Variants in RFTN1 observed in about 807,000 individuals in gnomAD.
The protein encoded by RFTN1 is raftlin, lipid raft linker 1, also known as raftlin.
RFTN1 carries 26 observed loss-of-function variants against 46.5 expected under a neutral mutation model. That is an observed-to-expected ratio of 0.56 (90% CI 0.41 to 0.78). The LOEUF is 0.78. Among genes scored for constraint, RFTN1 ranks in the 30% least tolerant of loss-of-function variants. The pLI is 0.00. For synonymous variants in RFTN1, 261 were observed against 284.2 expected, an observed-to-expected ratio of 0.92 and a Z score of 0.82; for missense variants, 693 against 718.7, an observed-to-expected ratio of 0.96 and a Z score of 0.41.
At chr3:16,411,045 C>A (rs966844415) in intron 3 of RFTN1, among the ~76,000 whole-genome samples, 19 of 152,120 alleles carry the variant, frequency 1.2e-4, no homozygotes, top group Non-Finnish European at 1.0e-4. Flanking sequence ...GACCAAGGCT[C>A]CCAGCTCCTT....
chr3:16,379,087 G>A (rs2073891468), intron 4 of RFTN1, among the ~76,000 whole-genome samples: 1 of 152,230 alleles, frequency 6.6e-6, no homozygotes, highest in Non-Finnish European at 1.5e-5. Flanking sequence ...AGACCTCAGA[G>A]CTGTCTAAGT....
At chr3:16,505,996 A>G (rs578160233) in intron 1 of RFTN1, among the ~76,000 whole-genome samples, 2 of 152,340 alleles carry the variant, frequency 1.3e-5, no homozygotes, top group Admixed American at 6.5e-5. Context: ...GCCCTCATGG[A>G]CCTTACCTTC....
At chr3:16,390,698 T>G (rs921168846) in intron 4 of RFTN1, among the ~76,000 whole-genome samples, 32 of 152,190 alleles carry the variant, frequency 2.1e-4, no homozygotes, top group African/African-American at 7.5e-4. Flanking sequence ...TGCTTGAAAC[T>G]TAAAAAATAT....
chr3:16,393,358 A>G (rs968897155), intron 4 of RFTN1, among the ~76,000 whole-genome samples: 8 of 152,192 alleles, frequency 5.3e-5, no homozygotes, highest in African/African-American at 1.9e-4. Flanking sequence ...AGTGGGACCA[A>G]TATTCACTAA....
rs141596313 is a variant in RFTN1, at chr3:16,488,374, C to T, written c.145+5351G>A. On this transcript the variant is annotated intron_variant, in intron 2 of 9. Coordinates refer to ENST00000334133, the MANE Select transcript of RFTN1 (RefSeq NM_015150.2). ...TCGGCCTTCCAAAGTGTTGGGATTACAGGCGTGAGCCACTGCACCCAGCTT... is the reference window on the plus strand; with the variant it reads ...TCGGCCTTCCAAAGTGTTGGGATTATAGGCGTGAGCCACTGCACCCAGCTT... 4.9e-3 allele frequency among the ~76,000 whole-genome samples: 749 copies of T among 152,322 alleles called. 5 individuals are homozygous for T. Among genetic ancestry groups the T allele is most frequent in the African/African-American group, 0.016 (650 of 41,576 alleles).
Position 16,459,827 on chromosome 3 carries a change from A to G in RFTN1, c.146-25790T>C, listed in dbSNP as rs1559357940. Among the ~76,000 whole-genome samples the G allele has an allele frequency of 6.6e-6, 1 of 152,148 alleles. No individual in the cohort carries two copies. Among genetic ancestry groups the G allele is most frequent in the Non-Finnish European group, 1.5e-5 (1 of 68,020 alleles). On this transcript the variant is annotated intron_variant, in intron 2 of 9. Transcript: ENST00000334133. This position sits in a 1 kb window ranked among gnomAD's most constrained non-coding sequence, Gnocchi z 4.2. ...TTGTTTATTTAAATGCTAGAAAAAA[A>G]ATAAGATTTATATACAATAAGTTTT... is the stretch of plus-strand genomic sequence containing the variant.
In RFTN1 at chr3:16,370,341, C is replaced by A; in HGVS notation, c.827-62G>T. ...GTCAACTGATGATAAAAATCTGTTT[C>A]ATCGGCTTAAGTGGAATCTCTCAGG... On this transcript the variant is annotated intron_variant, in intron 5 of 9. Transcript: ENST00000334133. This position sits in a 1 kb window ranked among gnomAD's most constrained non-coding sequence, Gnocchi z 5.5. The A allele has an allele frequency of 6.6e-7, 1 of 1,510,700 alleles. No individual in the cohort carries two copies. Among genetic ancestry groups the A allele is most frequent in the South Asian group, 1.1e-5 (1 of 88,732 alleles). 93.6% of individuals were successfully genotyped at this position (1,510,700 alleles called of 1,614,324 possible). A position where few individuals can be genotyped will look rare whatever the true frequency, so the allele number is the denominator to read the frequency against.
rs1260939093 is a variant in RFTN1 at position 16,449,464 on chromosome 3, T to C, written c.146-15427A>G. 6.6e-6 allele frequency among the ~76,000 whole-genome samples: 1 copy of C among 152,216 alleles called. No individual in the cohort carries two copies. Among genetic ancestry groups the C allele is most frequent in the Non-Finnish European group, 1.5e-5 (1 of 68,032 alleles). ...AATAACACCTTTCTCATCAGGCTGC[T>C]ATGAAGATTGAGATAATGCACATAA... On this transcript the variant is annotated intron_variant, in intron 2 of 9. Transcript: ENST00000334133. This position sits in a 1 kb window ranked among gnomAD's most constrained non-coding sequence, Gnocchi z 5.1.
Position 16,376,001 on chromosome 3 carries a change from C to G in RFTN1, c.826+1717G>C, listed in dbSNP as rs561979113. On this transcript the variant is annotated intron_variant, in intron 5 of 9. Coordinates refer to ENST00000334133, the MANE Select transcript of RFTN1 (RefSeq NM_015150.2). This position sits in a 1 kb window ranked among gnomAD's most constrained non-coding sequence, Gnocchi z 4.7. ...TGCGGAAGTTCCTTGGACAAGTTTCCCCAGTGAATAATCCTCTCACAGGAG... is the reference window on the plus strand; with the variant it reads ...TGCGGAAGTTCCTTGGACAAGTTTCGCCAGTGAATAATCCTCTCACAGGAG... Among the ~76,000 whole-genome samples the G allele has an allele frequency of 1.3e-5, 2 of 152,224 alleles. No homozygotes were observed. The highest frequency in any genetic ancestry group is 2.9e-5 in the Non-Finnish European group (2 of 67,996).
Position 16,341,197 on chromosome 3 carries a change from A to G in RFTN1, c.1147-14321T>C, listed in dbSNP as rs1448817879. ...TGTGGAACAACAGCAACTCTCGTTC[A>G]CTGTGGTGGGGACGCAAAATAGTAC... On this transcript the variant is annotated intron_variant, in intron 7 of 9. Transcript: ENST00000334133. The surrounding 1 kb of genome is among the most constrained non-coding windows in gnomAD (Gnocchi z 4.7). Among the ~76,000 whole-genome samples the G allele has an allele frequency of 6.6e-6, 1 of 152,220 alleles. No homozygotes were observed.
At chr3:16,403,065 G>A (rs2074644374) in intron 4 of RFTN1, among the ~76,000 whole-genome samples, 1 of 152,162 alleles carries the variant, frequency 6.6e-6, no homozygotes. Context: ...AGCAGAACCT[G>A]GGCGGCAAGG....
chr3:16,359,465 G>C (rs1297020333), intron 6 of RFTN1, among the ~76,000 whole-genome samples: 1 of 152,152 alleles, frequency 6.6e-6, no homozygotes, highest in Non-Finnish European at 1.5e-5. Flanking sequence ...GGTAGGATGG[G>C]GCCTTAGTCT....
chr3:16,417,340 T>C (rs1010690360), intron 3 of RFTN1, among the ~76,000 whole-genome samples: 4 of 152,068 alleles, frequency 2.6e-5, no homozygotes, highest in Non-Finnish European at 5.9e-5. Context: ...CTCATTTCTT[T>C]AACACCTTAT....
intron 7 of RFTN1, among the ~76,000 whole-genome samples, 186 bp downstream of exon 7, chr3:16,357,746 A>G (rs1020572770): frequency 3.3e-5 from 5 of 152,140 alleles, no homozygotes; most frequent in Admixed American, 1.3e-4. Flanking sequence ...AGCGGGGCCC[A>G]CCCCTACCTG....
At chr3:16,371,218 A>C (rs1293436875) in intron 5 of RFTN1, among the ~76,000 whole-genome samples, 1 of 152,226 alleles carries the variant, frequency 6.6e-6, no homozygotes, top group Admixed American at 6.5e-5. Context: ...TTGAAGCAAG[A>C]ATTTAAAGGT....
In RFTN1 at chr3:16,447,753, A is replaced by G. The variant is rs2075758121; in HGVS notation, c.146-13716T>C. On this transcript the variant is annotated intron_variant, in intron 2 of 9. Coordinates refer to ENST00000334133, the MANE Select transcript of RFTN1 (RefSeq NM_015150.2). This position sits in a 1 kb window ranked among gnomAD's most constrained non-coding sequence, Gnocchi z 5.9. ...AATCATTTCTAATTACACCCAGAAG[A>G]AAAATACGATCTATCCACCGTTGGC... 6.6e-6 allele frequency among the ~76,000 whole-genome samples: 1 copy of G among 152,230 alleles called. No individual in the cohort carries two copies. Among genetic ancestry groups the G allele is most frequent in the Non-Finnish European group, 1.5e-5 (1 of 68,040 alleles).
intron 2 of RFTN1, among the ~76,000 whole-genome samples, chr3:16,444,913 T>C (rs2075698979): frequency 6.6e-6 from 1 of 152,256 alleles, no homozygotes; most frequent in African/African-American, 2.4e-5. Context: ...TAACTGTATG[T>C]ATAGCTCACA....
In RFTN1 at chr3:16,370,999, G is replaced by C. The variant is rs957781784; in HGVS notation, c.827-720C>G. The C allele has an allele frequency of 6.6e-6, 1 of 152,198 alleles. No homozygotes were observed. Among genetic ancestry groups the C allele is most frequent in the Non-Finnish European group, 1.5e-5 (1 of 68,050 alleles). 9.4% of individuals were successfully genotyped at this position (152,198 alleles called of 1,614,324 possible). A position where few individuals can be genotyped will look rare whatever the true frequency, so the allele number is the denominator to read the frequency against. Reference sequence around the variant, plus strand: ...CAGCAGCTGAGCCGCAACTGCCTACGTGCAGCTGGGCGTGGCTTAGCAGTA... The same window carrying C: ...CAGCAGCTGAGCCGCAACTGCCTACCTGCAGCTGGGCGTGGCTTAGCAGTA... On this transcript the variant is annotated intron_variant, in intron 5 of 9. Transcript: ENST00000334133. The surrounding 1 kb of genome is among the most constrained non-coding windows in gnomAD (Gnocchi z 5.5).
intron 1 of RFTN1, among the ~76,000 whole-genome samples, chr3:16,510,859 A>G (rs2076888193): frequency 6.6e-6 from 1 of 152,244 alleles, no homozygotes; most frequent in African/African-American, 2.4e-5. Context: ...TAACCAAAGA[A>G]AGAAAGAAAG....
Sources: gnomAD v4.1 joint callset for allele counts (sites outside exome capture counted in the v4.1 genomes callset) on GRCh38, gnomAD v4.1.1 for gene constraint, Gnocchi (gnomAD v3.1) non-coding constraint, MANE v1.5 for transcripts, NCBI Gene and HGNC (gene_info 2026-07-23, HGNC 2026-07-21) for gene names.